Variants in STXBP5L observed in about 807,000 individuals in gnomAD.
STXBP5L encodes the protein syntaxin-binding protein 5-like.
STXBP5L carries 65 observed loss-of-function variants against 144.5 expected under a neutral mutation model. The observed-to-expected ratio is 0.45, with a 90% CI of 0.37 to 0.55. The LOEUF (loss-of-function observed/expected upper bound fraction) is 0.55. Ranked by LOEUF, STXBP5L falls within the 20% of genes least tolerant of loss-of-function variation. The pLI is 0.00. For synonymous variants in STXBP5L, 505 were observed against 469.6 expected, an observed-to-expected ratio of 1.08 and a Z score of -0.97; for missense variants, 1,298 against 1,405.5, an observed-to-expected ratio of 0.92 and a Z score of 1.22.
intron 5 of STXBP5L, among the ~76,000 whole-genome samples, chr3:121,070,731 G>A (rs1354871095): frequency 6.6e-6 from 1 of 152,034 alleles, no homozygotes. Flanking sequence ...GATTTTTACA[G>A]GTGGTTTTAA....
At chr3:120,989,753 T>C (rs1942649601) in intron 3 of STXBP5L, among the ~76,000 whole-genome samples, 1 of 152,182 alleles carries the variant, frequency 6.6e-6, no homozygotes, top group Non-Finnish European at 1.5e-5. Context: ...ACTGGTGAAT[T>C]GATCCTTTTA....
At chr3:121,006,745 G>T (rs1009597450) in intron 3 of STXBP5L, among the ~76,000 whole-genome samples, 1 of 152,090 alleles carries the variant, frequency 6.6e-6, no homozygotes. Context: ...GGGCAGGCCT[G>T]GTGGTGACAA....
intron 5 of STXBP5L, among the ~76,000 whole-genome samples, chr3:121,093,686 G>C (rs1232213784): frequency 6.6e-6 from 1 of 151,862 alleles, no homozygotes; most frequent in Non-Finnish European, 1.5e-5. Context: ...AGTCTTGCTA[G>C]CCGTCTATCA....
chr3:121,240,205 G>A (rs372282075), intron 13 of STXBP5L, among the ~76,000 whole-genome samples: 1 of 152,004 alleles, frequency 6.6e-6, no homozygotes, highest in Non-Finnish European at 1.5e-5. Flanking sequence ...TCTTTGATTT[G>A]TTTATATAAA....
chr3:121,419,215 TC>T lies in STXBP5L; in HGVS notation c.*119del. 9.8e-7 allele frequency: 1 copy of T among 1,021,154 alleles called. No individual in the cohort carries two copies. The highest frequency in any genetic ancestry group is 1.4e-6 in the Non-Finnish European group (1 of 707,190). The allele number at this position is 1,021,154 out of a possible 1,614,324, so 63.3% of individuals were successfully genotyped here. On this transcript the variant is annotated 3_prime_UTR_variant, in exon 27 of 27. Transcript: ENST00000471454. The stretch of plus-strand genomic sequence containing the variant: ...CTTCTACAAAATGTTCCATTTACAG[TC>T]AATCTGAAATTTTCATAAAAGAGAT...
intron 14 of STXBP5L, among the ~76,000 whole-genome samples, chr3:121,240,881 T>C (rs2049643071): frequency 6.6e-6 from 1 of 152,150 alleles, no homozygotes; most frequent in African/African-American, 2.4e-5. Flanking sequence ...TAAATATTTC[T>C]CAAAACTTAC....
intron 7 of STXBP5L, among the ~76,000 whole-genome samples, chr3:121,126,508 G>A (rs2044710800): frequency 6.6e-6 from 1 of 152,136 alleles, no homozygotes; most frequent in African/African-American, 2.4e-5. Context: ...TGACATCACA[G>A]TTACTTTAAA....
intron 5 of STXBP5L, among the ~76,000 whole-genome samples, chr3:121,086,925 C>T (rs6775842): frequency 0.21 from 32,422 of 151,696 alleles, 3,691 homozygotes; most frequent in Non-Finnish European, 0.26. Context: ...GAACTTATGC[C>T]CATTGTTAAG....
intron 5 of STXBP5L, among the ~76,000 whole-genome samples, chr3:121,055,306 A>T (rs1312380745): frequency 6.6e-6 from 1 of 152,136 alleles, no homozygotes; most frequent in Non-Finnish European, 1.5e-5. Context: ...GACATTCTCC[A>T]AAACATCTGA....
chr3:120,992,432 T>G (rs1942992321), intron 3 of STXBP5L, among the ~76,000 whole-genome samples: 2 of 152,118 alleles, frequency 1.3e-5, no homozygotes, highest in African/African-American at 4.8e-5. Flanking sequence ...ACCCATTAAC[T>G]AACCTCTCTT....
At chr3:121,118,545 G>A (rs969188484) in intron 6 of STXBP5L, among the ~76,000 whole-genome samples, 6 of 151,612 alleles carry the variant, frequency 4.0e-5, no homozygotes, top group African/African-American at 1.4e-4. Context: ...GGTCTTGTAA[G>A]CCAATTTGAT....
intron 4 of STXBP5L, among the ~76,000 whole-genome samples, chr3:121,043,709 A>AAAACAAAC (rs146805882): frequency 1.3e-5 from 2 of 151,916 alleles, no homozygotes; most frequent in Admixed American, 6.6e-5. Context: ...CTCCATCTCA[A>AAAACAAAC]AAACAAACAA....
At chr3:121,146,686 T>A (rs1328259202) in intron 7 of STXBP5L, among the ~76,000 whole-genome samples, 1 of 152,106 alleles carries the variant, frequency 6.6e-6, no homozygotes, top group Non-Finnish European at 1.5e-5. Context: ...AAAACTTGTG[T>A]AACTATACTA....
At chr3:120,934,357 G>T (rs1360459509) in intron 2 of STXBP5L, among the ~76,000 whole-genome samples, 1 of 151,954 alleles carries the variant, frequency 6.6e-6, no homozygotes, top group African/African-American at 2.4e-5. Context: ...TGGTCTTAGA[G>T]CATACTTTGT....
intron 3 of STXBP5L, among the ~76,000 whole-genome samples, chr3:120,961,197 GT>G (rs138331318): frequency 7.3e-4 from 105 of 144,322 alleles, no homozygotes; most frequent in African/African-American, 1.9e-3. Flanking sequence ...ATTTTATTTA[GT>G]TTTTTTTTTC....
intron 5 of STXBP5L, among the ~76,000 whole-genome samples, chr3:121,080,346 G>A (rs1167458353): frequency 6.6e-6 from 1 of 151,850 alleles, no homozygotes; most frequent in Non-Finnish European, 1.5e-5. Flanking sequence ...GAGATGTGAG[G>A]TATTGTTCTA....
chr3:121,008,946 C>A (rs1046982609), intron 3 of STXBP5L, among the ~76,000 whole-genome samples: 2 of 147,730 alleles, frequency 1.4e-5, no homozygotes, highest in African/African-American at 5.0e-5. Flanking sequence ...TTTTTTTTAC[C>A]AAGTGGGTGG....
At chr3:121,138,021 A>G (rs2045341760) in intron 7 of STXBP5L, among the ~76,000 whole-genome samples, 1 of 152,116 alleles carries the variant, frequency 6.6e-6, no homozygotes, top group South Asian at 2.1e-4. Context: ...GATTTTATAC[A>G]TAGAAATCCC....
At chr3:121,319,680 C>A (rs1368680854) in intron 20 of STXBP5L, among the ~76,000 whole-genome samples, 1 of 152,116 alleles carries the variant, frequency 6.6e-6, no homozygotes, top group African/African-American at 2.4e-5. Context: ...CTCTCTTCAC[C>A]TTTTACAATT....
Sources: gnomAD v4.1 joint callset for allele counts (sites outside exome capture counted in the v4.1 genomes callset) on GRCh38, gnomAD v4.1.1 for gene constraint, MANE v1.5 for transcripts, NCBI Gene and HGNC (gene_info 2026-07-23, HGNC 2026-07-21) for gene names.